The following ATP6V1B1 variants were observed in gnomAD, a reference collection of about 807,000 sequenced individuals.
The protein encoded by ATP6V1B1 is ATPase H+ transporting V1 subunit B1.
A neutral mutation model predicts 62.1 loss-of-function variants in ATP6V1B1; 41 were observed. The observed-to-expected ratio is 0.66, with a 90% CI of 0.51 to 0.86. The LOEUF is 0.86. Among genes scored for constraint, ATP6V1B1 ranks in the 40% least tolerant of loss-of-function variants. The pLI is 0.00. For missense variants in ATP6V1B1, 651 were observed against 697.5 expected (o/e 0.93, Z 0.75); for synonymous variants, 253 against 273.4 (o/e 0.93, Z 0.74).
intron 2 of ATP6V1B1, among the ~76,000 whole-genome samples, chr2:70,950,678 C>A (rs967613437): frequency 6.6e-6 from 1 of 151,994 alleles, no homozygotes; most frequent in Non-Finnish European, 1.5e-5. Context: ...CATTCTAAAA[C>A]CTTCTTTCTA....
At position 70,965,321 on chromosome 2, in the gene ATP6V1B1, C is replaced by A. The variant is rs1332961799; in HGVS notation, c.*200C>A. On this transcript the variant is annotated 3_prime_UTR_variant, in exon 14 of 14. Coordinates refer to ENST00000234396, the MANE Select transcript of ATP6V1B1 (RefSeq NM_001692.4). The stretch of plus-strand genomic sequence containing the variant: ...GCGCTCCATGCCTCCCCCTCGACTC[C>A]CGGTGCTGCGGAAGAACTGAAGGTT... 3 of 721,312 alleles carry A rather than the reference C, an allele frequency of 4.2e-6. No homozygotes were observed. The highest frequency in any genetic ancestry group is 3.6e-5 in the African/African-American group (2 of 56,146). 44.7% of individuals were successfully genotyped at this position (721,312 alleles called of 1,614,324 possible).
At chr2:70,944,624 A>G (rs976752080) in intron 2 of ATP6V1B1, among the ~76,000 whole-genome samples, 3 of 150,732 alleles carry the variant, frequency 2.0e-5, no homozygotes, top group East Asian at 2.0e-4. Flanking sequence ...CCTTGCATCA[A>G]ATTTGCCCAG....
At chr2:70,957,087 CTTTTTTTTTT>C (rs56407020) in intron 2 of ATP6V1B1, among the ~76,000 whole-genome samples, 2 of 125,158 alleles carry the variant, frequency 1.6e-5, no homozygotes, top group African/African-American at 6.1e-5. Context: ...AGTTCTTCTT[CTTTTTTTTTT>C]TTTTTTTTGG....
chr2:70,940,543 TG>T, intron 1 of ATP6V1B1: 1 of 985,360 alleles, frequency 1.0e-6, no homozygotes, highest in Non-Finnish European at 1.2e-6. Context: ...AAACACCATG[TG>T]GGTGTGGGAG....
chr2:70,964,114 A>ATTTTTTGTTTTT (rs1680655843), intron 11 of ATP6V1B1: 1 of 121,306 alleles, frequency 8.2e-6, no homozygotes, highest in East Asian at 2.6e-4. Flanking sequence ...CTTGGCAGGT[A>ATTTTTTGTTTTT]TTTTTTTTTT....
chr2:70,952,566 C>A (rs1435976028), intron 2 of ATP6V1B1, among the ~76,000 whole-genome samples: 1 of 151,818 alleles, frequency 6.6e-6, no homozygotes, highest in Non-Finnish European at 1.5e-5. Context: ...TCTATGTTGA[C>A]GAACTCTCTA....
At chr2:70,945,390 T>C (rs13414238) in intron 2 of ATP6V1B1, among the ~76,000 whole-genome samples, 23,783 of 151,934 alleles carry the variant, frequency 0.16, 2,182 homozygotes, top group East Asian at 0.48. Flanking sequence ...AATGTAACTT[T>C]CCCATTCAAG....
Position 70,962,908 on chromosome 2 carries a change from G to A in ATP6V1B1, c.909+8G>A. 2 of 1,613,798 alleles carry A rather than the reference G, an allele frequency of 1.2e-6. No individual in the cohort carries two copies. The highest frequency in any genetic ancestry group is 1.7e-6 in the Non-Finnish European group (2 of 1,179,976). On this transcript the variant is annotated splice_region_variant and intron_variant, in intron 9 of 13. Transcript: ENST00000234396. ...GCAGAGGCCTTGCGGGAGGTAAGCT[G>A]GCTAGCAAGGGGTGTCAGATTCCTC...
rs782461130 is a variant in ATP6V1B1 at position 70,962,896 on chromosome 2, G to A, written c.905G>A (p.Arg302Gln). 5.6e-6 allele frequency: 9 copies of A among 1,613,852 alleles called. No homozygotes were observed. The highest frequency in any genetic ancestry group is 4.5e-5 in the East Asian group (2 of 44,886). The change falls in exon 9 of 14, where the codon CGG becomes CAG. Residue 302 changes from arginine to glutamine, a missense_variant. Arg to Gln is a conservative substitution (Grantham distance 43). Transcript: ENST00000234396. Reference sequence around the variant, plus strand: ...ATGAGTTCCTATGCAGAGGCCTTGCGGGAGGTAAGCTGGCTAGCAAGGGGT... The same window carrying A: ...ATGAGTTCCTATGCAGAGGCCTTGCAGGAGGTAAGCTGGCTAGCAAGGGGT... ...TDMSSYAEAL[R>Q]EVSAAREEVP...
chr2:70,959,065 G>A lies in ATP6V1B1; in HGVS notation c.415G>A (p.Val139Ile). ...CAAGCCCATTGACAAGGGGCCAGTGGTCATGGCGGAGGACTTTCTGGATAT... is the reference window on the plus strand; with the variant it reads ...CAAGCCCATTGACAAGGGGCCAGTGATCATGGCGGAGGACTTTCTGGATAT... ...SGKPIDKGPV[V>I]MAEDFLDING... The change falls in exon 5 of 14, where the codon GTC becomes ATC. Residue 139 changes from valine (V) to isoleucine (I), a missense_variant. Transcript: ENST00000234396. This position sits in a 1 kb window ranked among gnomAD's most constrained non-coding sequence, Gnocchi z 4.2. The A allele has an allele frequency of 6.2e-7, 1 of 1,614,172 alleles. No individual in the cohort carries two copies. The highest frequency in any genetic ancestry group is 1.7e-5 in the Admixed American group (1 of 60,028).
chr2:70,956,552 G>A lies in ATP6V1B1; in HGVS notation c.175-1494G>A, dbSNP rs142700471. ...GCTGCACTATTTTCTATTCCTCCCA[G>A]CACTGTATGAGCATTCAAATTTCTT... is the stretch of plus-strand genomic sequence containing the variant. On this transcript the variant is annotated intron_variant, in intron 2 of 13. Transcript: ENST00000234396. 1.8e-3 allele frequency among the ~76,000 whole-genome samples: 270 copies of A among 152,238 alleles called. 7 individuals carry two copies. The highest frequency in any genetic ancestry group is 0.014 in the Middle Eastern group (4 of 294).
intron 7 of ATP6V1B1, 90 bp downstream of exon 7, chr2:70,961,112 G>A (rs1399075002): frequency 3.0e-6 from 4 of 1,342,350 alleles, no homozygotes; most frequent in East Asian, 2.5e-5. Context: ...ATCTGATGGG[G>A]AAGCCATCAG....
Position 70,949,045 on chromosome 2 carries a change from T to A in ATP6V1B1, c.174+5332T>A, listed in dbSNP as rs62145077. On this transcript the variant is annotated intron_variant, in intron 2 of 13. Coordinates refer to ENST00000234396, the MANE Select transcript of ATP6V1B1 (RefSeq NM_001692.4). The stretch of plus-strand genomic sequence containing the variant: ...TCCTAAAAATGTATTATATTTTAAT[T>A]GCAAAAATAATACATGCTCCTTGTA... Among the ~76,000 whole-genome samples the A allele has an allele frequency of 9.4e-3, 1,402 of 148,778 alleles. 11 individuals are homozygous for A. Among genetic ancestry groups the A allele is most frequent in the South Asian group, 0.031 (141 of 4,616 alleles).
rs782004584 is a variant in ATP6V1B1, at chr2:70,963,553, C to T, written c.1061-19C>T. The T allele has an allele frequency of 1.2e-5, 20 of 1,611,828 alleles. No individual in the cohort carries two copies. The highest frequency in any genetic ancestry group is 1.7e-5 in the Non-Finnish European group (20 of 1,178,016). ...ACCTGGGCCCCCACCCACACTGAGG[C>T]CAGTGAGTTTTCTTGTAGATATCAC... is the stretch of plus-strand genomic sequence containing the variant. On this transcript the variant is annotated intron_variant, in intron 10 of 13. Coordinates refer to ENST00000234396, the MANE Select transcript of ATP6V1B1 (RefSeq NM_001692.4). This position sits in a 1 kb window ranked among gnomAD's most constrained non-coding sequence, Gnocchi z 4.3.
At chr2:70,941,348 A>G in intron 1 of ATP6V1B1, 3 of 985,598 alleles carry the variant, frequency 3.0e-6, no homozygotes, top group Non-Finnish European at 3.6e-6. Flanking sequence ...GAGCCTGTGC[A>G]TGCCAGCCCA....
chr2:70,963,640 C>T lies in ATP6V1B1; in HGVS notation c.1129C>T (p.Leu377Phe), dbSNP rs199595604. The T allele has an allele frequency of 6.2e-7, 1 of 1,614,130 alleles. No homozygotes were observed. The change falls in exon 11 of 14, where the codon CTT (leucine) becomes TTT (phenylalanine). Residue 377 changes from leucine (L) to phenylalanine (F), a missense_variant. Coordinates refer to ENST00000234396, the MANE Select transcript of ATP6V1B1 (RefSeq NM_001692.4). This position sits in a 1 kb window ranked among gnomAD's most constrained non-coding sequence, Gnocchi z 4.3. ...TEGQIYVDRQLHNRQIYPPIN... is the reference protein window; with the variant it reads ...TEGQIYVDRQFHNRQIYPPIN... ...GGGACAGATCTACGTGGACAGACAG[C>T]TTCACAACAGACAGGTACTGCCCTG...
chr2:70,963,255 G>A lies in ATP6V1B1; in HGVS notation c.1003G>A (p.Val335Met). The A allele has an allele frequency of 6.2e-6, 10 of 1,613,852 alleles. No individual in the cohort carries two copies. Among genetic ancestry groups the A allele is most frequent in the South Asian group, 1.1e-5 (1 of 91,082 alleles). ...CACCATCTACGAGCGGGCGGGCCGC[G>A]TGGAGGGTCGGGGAGGATCCATCAC... ...LATIYERAGRVEGRGGSITQI... is the reference protein window; with the variant it reads ...LATIYERAGRMEGRGGSITQI... Residue 335 changes from valine to methionine, a missense_variant, in exon 10 of 14, where the codon GTG (valine) becomes ATG (methionine). By Grantham distance (21) the Val-to-Met change is conservative. Transcript: ENST00000234396. This position sits in a 1 kb window ranked among gnomAD's most constrained non-coding sequence, Gnocchi z 4.3.
intron 1 of ATP6V1B1, among the ~76,000 whole-genome samples, chr2:70,937,347 A>C (rs1317504582): frequency 6.6e-6 from 1 of 151,790 alleles, no homozygotes; most frequent in Non-Finnish European, 1.5e-5. Flanking sequence ...ATGGGAGGAG[A>C]GCCCTGGGGT....
chr2:70,950,931 G>GTTTT (rs1680309760), intron 2 of ATP6V1B1, among the ~76,000 whole-genome samples: 4 of 84,796 alleles, frequency 4.7e-5, no homozygotes, highest in African/African-American at 2.3e-4. Context: ...ATTTTTTCCT[G>GTTTT]ATTTTTTTTT....
Sources: gnomAD v4.1 joint callset for allele counts (sites outside exome capture counted in the v4.1 genomes callset) on GRCh38, gnomAD v4.1.1 for gene constraint, Gnocchi (gnomAD v3.1) non-coding constraint, MANE v1.5 for transcripts, NCBI Gene and HGNC (gene_info 2026-07-23, HGNC 2026-07-21) for gene names.